CHD4: variants seen among roughly 807,000 people sequenced by gnomAD.
CHD4 encodes the protein chromodomain helicase DNA binding protein 4.
CHD4 carries 35 observed loss-of-function variants against 235.5 expected under a neutral mutation model. The observed-to-expected ratio is 0.15, with a 90% CI of 0.11 to 0.20. The LOEUF is 0.20. CHD4 is among the 10% of genes least tolerant of loss of function. The pLI is 1.00. For synonymous variants in CHD4, 900 were observed against 850.2 expected (o/e 1.06, Z -1.02); for missense variants, 1,329 against 2,432.3 (o/e 0.55, Z 9.54).
At chr12:6,576,183 CCT>C (rs962482716) in intron 37 of CHD4, among the ~76,000 whole-genome samples, 1 of 152,070 alleles carries the variant, frequency 6.6e-6, no homozygotes, top group Non-Finnish European at 1.5e-5. Context: ...ATGCTGAAAC[CCT>C]GTCTCTACTA....
rs1369176629 is a variant in CHD4, at chr12:6,570,230, G to C, written c.*446C>G. On this transcript the variant is annotated 3_prime_UTR_variant, in exon 40 of 40. Transcript: ENST00000544040. ...GCCGCTGGGTTCCTGGTATTAAAAA[G>C]ATGCCAACAGAGGTAGCTGTGTCTC... is the stretch of plus-strand genomic sequence containing the variant. The C allele has an allele frequency of 6.1e-6, 1 of 163,200 alleles. No individual in the cohort carries two copies. The highest frequency in any genetic ancestry group is 1.3e-5 in the Non-Finnish European group (1 of 76,386). 10.1% of individuals were successfully genotyped at this position (163,200 alleles called of 1,614,324 possible). A position where few individuals can be genotyped will look rare whatever the true frequency, so the allele number is the denominator to read the frequency against.
chr12:6,592,975 G>A (rs1948426761), intron 17 of CHD4, 116 bp downstream of exon 17: 1 of 1,522,714 alleles, frequency 6.6e-7, no homozygotes, highest in African/African-American at 1.4e-5. Context: ...TACAAGGAAG[G>A]AAGGCAGAGA....
chr12:6,600,511 A>C, intron 8 of CHD4, 23 bp downstream of exon 8: 2 of 1,608,874 alleles, frequency 1.2e-6, no homozygotes, highest in Non-Finnish European at 1.7e-6. Context: ...ATCCCATCAC[A>C]AATATACAGA....
intron 19 of CHD4, 54 bp downstream of exon 19, chr12:6,592,339 T>A (rs1449120853): frequency 6.5e-7 from 1 of 1,528,362 alleles, no homozygotes; most frequent in African/African-American, 1.4e-5. Context: ...TAGGAAACAC[T>A]CTGCAGACTG....
Position 6,600,911 on chromosome 12 carries a change from G to C in CHD4, c.927+15C>G. 6.4e-7 allele frequency: 1 copy of C among 1,565,554 alleles called. No individual in the cohort carries two copies. Among genetic ancestry groups the C allele is most frequent in the South Asian group, 1.2e-5 (1 of 82,304 alleles). ...GACATGGCACCCTCCCTAAAGCGAT[G>C]GGCTGGGCTCTCACCGAGGATCTCT... On this transcript the variant is annotated intron_variant, in intron 7 of 39. Coordinates refer to ENST00000544040, the MANE Select transcript of CHD4 (RefSeq NM_001273.5).
intron 25 of CHD4, among the ~76,000 whole-genome samples, chr12:6,585,793 A>G (rs1336834550): frequency 8.0e-5 from 12 of 150,644 alleles, no homozygotes; most frequent in Non-Finnish European, 1.8e-4. Flanking sequence ...TGTCTCAAAA[A>G]AAAAAAAACA....
chr12:6,581,918 T>C, intron 30 of CHD4, 104 bp from the exon 31 acceptor site: 1 of 1,379,132 alleles, frequency 7.3e-7, no homozygotes, highest in Non-Finnish European at 9.7e-7. Context: ...TTCTCCTGCC[T>C]CAGCCTTCTG....
rs1948185965 is a variant in CHD4 at position 6,581,399 on chromosome 12, A to G, written c.4682-11T>C. 4 of 1,608,760 alleles carry G rather than the reference A, an allele frequency of 2.5e-6. No homozygotes were observed. In the East Asian group the frequency reaches 8.9e-5, roughly 36 times the overall value. The stretch of plus-strand genomic sequence containing the variant: ...TTTTTATCCCATCTTCTGCAGAACA[A>G]TAAAAGACAATCAATTAGGAAGAAG... On this transcript the variant is annotated splice_polypyrimidine_tract_variant and intron_variant, in intron 31 of 39. Coordinates refer to ENST00000544040, the MANE Select transcript of CHD4 (RefSeq NM_001273.5).
chr12:6,595,546 G>C, intron 13 of CHD4, 116 bp from the exon 14 acceptor site: 2 of 819,278 alleles, frequency 2.4e-6, no homozygotes, highest in Non-Finnish European at 3.9e-6. Context: ...CCAGCACTTT[G>C]GGAGGCTGAG....
At chr12:6,585,301 T>C (rs989570525) in intron 25 of CHD4, among the ~76,000 whole-genome samples, 80 of 152,170 alleles carry the variant, frequency 5.3e-4, no homozygotes, top group Non-Finnish European at 8.8e-5. Context: ...TCTAATCTTT[T>C]TGAGACGGAG....
intron 12 of CHD4, among the ~76,000 whole-genome samples, chr12:6,596,426 G>T (rs1592277386): frequency 6.6e-6 from 1 of 150,948 alleles, no homozygotes; most frequent in East Asian, 2.0e-4. Flanking sequence ...GAGGCAGGCA[G>T]ATCGCTTGAG....
At position 6,593,976 on chromosome 12, in the gene CHD4, C is replaced by T. The variant is rs1483865751; in HGVS notation, c.2314-360G>A. 6.6e-6 allele frequency among the ~76,000 whole-genome samples: 1 copy of T among 152,190 alleles called. No individual in the cohort carries two copies. Among genetic ancestry groups the T allele is most frequent in the African/African-American group, 2.4e-5 (1 of 41,440 alleles). Reference sequence around the variant, plus strand: ...TCAGCCTCCCAAGTAGCTGGGATTACAGGCGTGCACCACCACATCCGGCTA... The same window carrying T: ...TCAGCCTCCCAAGTAGCTGGGATTATAGGCGTGCACCACCACATCCGGCTA... On this transcript the variant is annotated intron_variant, in intron 15 of 39. Coordinates refer to ENST00000544040, the MANE Select transcript of CHD4 (RefSeq NM_001273.5). The surrounding 1 kb of genome is among the most constrained non-coding windows in gnomAD (Gnocchi z 4.9).
intron 32 of CHD4, 51 bp downstream of exon 32, chr12:6,581,240 T>G: frequency 2.5e-6 from 4 of 1,613,258 alleles, no homozygotes; most frequent in Non-Finnish European, 2.5e-6. Context: ...AAAGGAAGAC[T>G]GGACTTACAC....
At chr12:6,582,383 C>T in intron 29 of CHD4, 102 bp from the exon 30 acceptor site, 1 of 1,402,884 alleles carries the variant, frequency 7.1e-7, no homozygotes, top group Non-Finnish European at 9.6e-7. Context: ...AACTATGGCT[C>T]CACCTTGAGG....
In CHD4 at chr12:6,596,107, C is replaced by G. The variant is rs1313248910; in HGVS notation, c.1923G>C (p.Leu641Phe). ...SVDKKGHVHY[L>F]IKWRDLPYDQ... is the part of the protein sequence containing the mutation. ...CGTAAGGTAAGTCCCGCCACTTGATCAAGTAGTGGACGTGGCCCTTCTTGT... is the reference window on the plus strand; with the variant it reads ...CGTAAGGTAAGTCCCGCCACTTGATGAAGTAGTGGACGTGGCCCTTCTTGT... Residue 641 changes from leucine (L) to phenylalanine (F), a missense_variant, in exon 13 of 40, where the codon TTG becomes TTC. Leu to Phe is a conservative substitution (Grantham distance 22). Coordinates refer to ENST00000544040, the MANE Select transcript of CHD4 (RefSeq NM_001273.5). The G allele has an allele frequency of 1.9e-6, 3 of 1,614,046 alleles. No individual in the cohort carries two copies. The highest frequency in any genetic ancestry group is 2.5e-6 in the Non-Finnish European group (3 of 1,179,972).
intron 9 of CHD4, 78 bp from the exon 10 acceptor site, chr12:6,600,090 T>C: frequency 9.5e-6 from 15 of 1,582,330 alleles, no homozygotes; most frequent in Non-Finnish European, 1.1e-5. Flanking sequence ...CATCATTCCT[T>C]TGAATGCTTC....
intron 22 of CHD4, among the ~76,000 whole-genome samples, chr12:6,589,272 T>C (rs1045171003): frequency 3.3e-5 from 5 of 152,216 alleles, no homozygotes; most frequent in African/African-American, 9.6e-5. Context: ...CGAATACTAA[T>C]ATCGGTGTGA....
Position 6,599,583 on chromosome 12 carries a change from A to G in CHD4, c.1482+190T>C, listed in dbSNP as rs565430129. Among the ~76,000 whole-genome samples, 17 of 152,148 alleles carry G rather than the reference A, an allele frequency of 1.1e-4. No homozygotes were observed. In the East Asian group the frequency reaches 1.7e-3, roughly 16 times the overall value. ...TCTTAAGAGAGCTGGCAAAACATCA[A>G]CTCCTCAGTTTGAAGTTAGTCCTAT... is the stretch of plus-strand genomic sequence containing the variant. On this transcript the variant is annotated intron_variant, in intron 10 of 39. Transcript: ENST00000544040.
At chr12:6,594,798 T>C (rs1948457422) in intron 14 of CHD4, 148 bp from the exon 15 acceptor site, 5 of 663,996 alleles carry the variant, frequency 7.5e-6, no homozygotes, top group Middle Eastern at 8.6e-4. Flanking sequence ...CTATGATTAC[T>C]GCAATTTCAT....
Sources: allele counts gnomAD v4.1 joint callset (sites outside exome capture counted in the v4.1 genomes callset), GRCh38; gene constraint gnomAD v4.1.1; non-coding constraint Gnocchi (gnomAD v3.1); transcripts MANE v1.5; gene names NCBI Gene and HGNC (gene_info 2026-07-23, HGNC 2026-07-21).